ALPL: variants seen among roughly 807,000 people sequenced by gnomAD.
The protein encoded by ALPL is alkaline phosphatase, biomineralization associated.
In ALPL, 42 loss-of-function variants were observed where a neutral mutation model predicts 51.3. That is an observed-to-expected ratio of 0.82 (90% CI 0.64 to 1.06). The LOEUF (loss-of-function observed/expected upper bound fraction) is 1.06. ALPL is among the 50% of genes least tolerant of loss of function. The pLI is 0.00. For missense variants in ALPL, 589 were observed against 709.4 expected (o/e 0.83, Z 1.93); for synonymous variants, 279 against 296.4 (o/e 0.94, Z 0.60).
intron 8 of ALPL, among the ~76,000 whole-genome samples, chr1:21,571,874 C>G (rs1310634535): frequency 6.6e-6 from 1 of 151,600 alleles, no homozygotes; most frequent in Non-Finnish European, 1.5e-5. Flanking sequence ...CACCTTTAGT[C>G]CCAGCTACTC....
intron 1 of ALPL, among the ~76,000 whole-genome samples, chr1:21,546,116 C>T (rs1644250812): frequency 6.6e-6 from 1 of 152,124 alleles, no homozygotes. Context: ...TTTAATTCAG[C>T]TGAAGTTTTT....
rs147887544 is a variant in ALPL at position 21,531,247 on chromosome 1, G to A, written c.-105+21730G>A. Among the ~76,000 whole-genome samples, 6 of 152,120 alleles carry A rather than the reference G, an allele frequency of 3.9e-5. No homozygotes were observed. The East Asian group carries it at 7.8e-4, about 20-fold the overall frequency. On this transcript the variant is annotated intron_variant, in intron 1 of 11. Transcript: ENST00000374840. ...GTGCGGGATTACAGGTGTGAGCCACGGCGCCCGGCCAATTTTTTGATTTTT... is the reference window on the plus strand; with the variant it reads ...GTGCGGGATTACAGGTGTGAGCCACAGCGCCCGGCCAATTTTTTGATTTTT...
At chr1:21,520,070 C>T (rs1223478536) in intron 1 of ALPL, among the ~76,000 whole-genome samples, 1 of 152,158 alleles carries the variant, frequency 6.6e-6, no homozygotes, top group Non-Finnish European at 1.5e-5. Flanking sequence ...GTCACTTTAA[C>T]ACTGCCAACC....
chr1:21,577,892 T>TTC lies in ALPL; in HGVS notation c.*248_*249dup. 1.7e-6 allele frequency: 1 copy of TTC among 600,074 alleles called. No homozygotes were observed. The highest frequency in any genetic ancestry group is 3.0e-6 in the Non-Finnish European group (1 of 338,548). 37.2% of individuals were successfully genotyped at this position (600,074 alleles called of 1,614,324 possible). A position where few individuals can be genotyped will look rare whatever the true frequency, so the allele number is the denominator to read the frequency against. On this transcript the variant is annotated 3_prime_UTR_variant, in exon 12 of 12. Coordinates refer to ENST00000374840, the MANE Select transcript of ALPL (RefSeq NM_000478.6). Reference sequence around the variant, plus strand: ...CTGCCCTTTGGCCAACAGGGTAGATTTCTCTTGGGCAGGCAGAGAGTACAG... The same window carrying TTC: ...CTGCCCTTTGGCCAACAGGGTAGATTTCTCTCTTGGGCAGGCAGAGAGTACAG...
intron 4 of ALPL, among the ~76,000 whole-genome samples, chr1:21,561,816 G>A (rs556566706): frequency 2.6e-5 from 4 of 151,928 alleles, no homozygotes; most frequent in African/African-American, 4.8e-5. Context: ...ACAGGCATGC[G>A]CCACCATGCC....
intron 1 of ALPL, among the ~76,000 whole-genome samples, chr1:21,524,150 C>G (rs1305155669): frequency 6.6e-6 from 1 of 151,964 alleles, no homozygotes; most frequent in Admixed American, 6.6e-5. Flanking sequence ...ATTACAGGCG[C>G]GTGCCACCAC....
chr1:21,551,085 G>T (rs545160814), intron 1 of ALPL, among the ~76,000 whole-genome samples: 2 of 152,290 alleles, frequency 1.3e-5, no homozygotes, highest in East Asian at 3.9e-4. Flanking sequence ...TCCACCAACG[G>T]CGAGCGGACC....
At chr1:21,571,629 A>G (rs1054717057) in intron 8 of ALPL, among the ~76,000 whole-genome samples, 2 of 148,348 alleles carry the variant, frequency 1.3e-5, no homozygotes, top group Admixed American at 1.4e-4. Flanking sequence ...CCAAGATCGC[A>G]CCACTGCACT....
chr1:21,551,055 T>A (rs186162279), intron 1 of ALPL, among the ~76,000 whole-genome samples: 3 of 152,306 alleles, frequency 2.0e-5, no homozygotes, highest in East Asian at 3.9e-4. Context: ...GGTTTTCCCA[T>A]GCGCTGTGCC....
intron 1 of ALPL, among the ~76,000 whole-genome samples, chr1:21,522,373 C>T (rs1171495155): frequency 6.6e-6 from 1 of 152,172 alleles, no homozygotes; most frequent in African/African-American, 2.4e-5. Context: ...TGCACCCGGC[C>T]AGGTTTGTTT....
intron 1 of ALPL, among the ~76,000 whole-genome samples, chr1:21,516,280 G>A (rs184099687): frequency 7.6e-4 from 115 of 152,214 alleles, no homozygotes; most frequent in Non-Finnish European, 1.1e-3. Flanking sequence ...TAACTGACCC[G>A]TCTGCCGCCA....
intron 1 of ALPL, among the ~76,000 whole-genome samples, chr1:21,537,562 AC>A (rs898963096): frequency 6.0e-5 from 9 of 150,222 alleles, no homozygotes; most frequent in Admixed American, 2.7e-4. Context: ...TGCCAGAACC[AC>A]CCCCCCCACC....
In ALPL at chr1:21,554,144, T is replaced by G. The variant is rs764322898; in HGVS notation, c.61+2T>G. ...GCCTTACTAACTCCTTAGTGCCAGG[T>G]ATGCTTGGGGACACAGGTGGAGGCA... On this transcript the variant is annotated splice_donor_variant, in intron 2 of 11. Transcript: ENST00000374840. LOFTEE classifies it high-confidence loss of function. The G allele has an allele frequency of 6.2e-7, 1 of 1,613,500 alleles. No homozygotes were observed. The highest frequency in any genetic ancestry group is 8.5e-7 in the Non-Finnish European group (1 of 1,179,780).
At chr1:21,514,195 G>A (rs923982281) in intron 1 of ALPL, among the ~76,000 whole-genome samples, 1 of 152,032 alleles carries the variant, frequency 6.6e-6, no homozygotes, top group Non-Finnish European at 1.5e-5. Flanking sequence ...CTGGAGGTTT[G>A]GGGGTGATAG....
At chr1:21,523,231 G>A (rs1467071803) in intron 1 of ALPL, among the ~76,000 whole-genome samples, 6 of 152,294 alleles carry the variant, frequency 3.9e-5, no homozygotes, top group South Asian at 4.1e-4. Flanking sequence ...CCCGGGAGGC[G>A]GAGGTTGCAG....
chr1:21,567,856 A>G (rs1203885999), intron 6 of ALPL, among the ~76,000 whole-genome samples: 1 of 152,162 alleles, frequency 6.6e-6, no homozygotes, highest in Admixed American at 6.5e-5. Flanking sequence ...CCGGGAAGCC[A>G]AGTAAGGTAA....
intron 2 of ALPL, among the ~76,000 whole-genome samples, chr1:21,554,885 C>T (rs1346228959): frequency 6.0e-5 from 8 of 133,194 alleles, no homozygotes; most frequent in Non-Finnish European, 1.3e-4. Context: ...CTCTTTCTTT[C>T]TTTTTCTTTC....
rs121918005 is a variant in ALPL at position 21,560,662 on chromosome 1, C to G, written c.98C>G (p.Ala33Gly). 1 of 1,614,130 alleles carries G rather than the reference C, an allele frequency of 6.2e-7. No individual in the cohort carries two copies. Among genetic ancestry groups the G allele is most frequent in the Non-Finnish European group, 8.5e-7 (1 of 1,180,026 alleles). Residue 33 changes from alanine (A) to glycine (G), a missense_variant, in exon 3 of 12, where the codon GCG becomes GGG. Coordinates refer to ENST00000374840, the MANE Select transcript of ALPL (RefSeq NM_000478.6). ...EKDPKYWRDQ[A>G]QETLKYALEL... ...GACCCCAAGTACTGGCGAGACCAAG[C>G]GCAAGAGACACTGAAATATGCCCTG...
At chr1:21,565,435 G>C (rs1322795991) in intron 6 of ALPL, among the ~76,000 whole-genome samples, 2 of 152,148 alleles carry the variant, frequency 1.3e-5, no homozygotes, top group Non-Finnish European at 2.9e-5. Context: ...TTGCTCCCAG[G>C]GCCGTGGGAG....
Sources: allele counts gnomAD v4.1 joint callset (sites outside exome capture counted in the v4.1 genomes callset), GRCh38; gene constraint gnomAD v4.1.1; transcripts MANE v1.5; gene names NCBI Gene and HGNC (gene_info 2026-07-23, HGNC 2026-07-21).